The following MEGF6 variants were observed in gnomAD, a reference collection of about 807,000 sequenced individuals.
The protein encoded by MEGF6 is multiple epidermal growth factor-like domains protein 6.
Under a neutral mutation model 207.1 loss-of-function variants are expected in MEGF6, and 184 were observed. The observed-to-expected ratio is 0.89, with a 90% CI of 0.79 to 1.00. The LOEUF (loss-of-function observed/expected upper bound fraction) is 1.00. Among genes scored for constraint, MEGF6 ranks in the 50% least tolerant of loss-of-function variants. The pLI is 0.00. For synonymous variants in MEGF6, 1,038 were observed against 910.0 expected (o/e 1.14, Z -2.53); for missense variants, 2,282 against 2,202.9 (o/e 1.04, Z -0.72).
At chr1:3,621,876 T>C in the MEGF6 span, among the ~76,000 whole-genome samples, 1 of 152,246 alleles carries the variant, frequency 6.6e-6, no homozygotes, top group Non-Finnish European at 1.5e-5. Context: ...CACTAGATTT[T>C]GGACTTGCAT....
At position 3,489,730 on chromosome 1, in the gene MEGF6, G is replaced by A. The variant is rs1640275968; in HGVS notation, c.*798C>T. Among the ~76,000 whole-genome samples, 1 of 152,196 alleles carries A rather than the reference G, an allele frequency of 6.6e-6. No homozygotes were observed. Among genetic ancestry groups the A allele is most frequent in the Admixed American group, 6.5e-5 (1 of 15,290 alleles). On this transcript the variant is annotated 3_prime_UTR_variant, in exon 37 of 37. Coordinates refer to ENST00000356575, the MANE Select transcript of MEGF6 (RefSeq NM_001409.4). The stretch of plus-strand genomic sequence containing the variant: ...CTGGGTCTCAGCGGTAATGAATGCA[G>A]CCCCAGCGTTCTCCTCAATAGCACT...
chr1:3,560,878 C>T lies in MEGF6; in HGVS notation c.481+18947G>A, dbSNP rs374125892. 13 of 442,012 alleles carry T rather than the reference C, an allele frequency of 2.9e-5. No individual in the cohort carries two copies. Among genetic ancestry groups the T allele is most frequent in the East Asian group, 1.5e-4 (2 of 13,292 alleles). The allele number at this position is 442,012 out of a possible 1,614,324, so 27.4% of individuals were successfully genotyped here. A position where few individuals can be genotyped will look rare whatever the true frequency, so the allele number is the denominator to read the frequency against. On this transcript the variant is annotated intron_variant, in intron 4 of 36. Coordinates refer to ENST00000356575, the MANE Select transcript of MEGF6 (RefSeq NM_001409.4). The surrounding 1 kb of genome is among the most constrained non-coding windows in gnomAD (Gnocchi z 4.0). ...CTGGCTGGTCCCCCAGGTCTCTACG[C>T]GAAGGGGGTGCTGGGCTCTACCCCC...
chr1:3,592,285 G>T (rs1396292923), intron 3 of MEGF6, among the ~76,000 whole-genome samples: 1 of 152,198 alleles, frequency 6.6e-6, no homozygotes, highest in Non-Finnish European at 1.5e-5. Flanking sequence ...AGGCCTCGTG[G>T]TGTGGGGAGG....
At chr1:3,508,477 G>A in intron 13 of MEGF6, 81 bp downstream of exon 13, 1 of 1,519,704 alleles carries the variant, frequency 6.6e-7, no homozygotes, top group East Asian at 2.3e-5. Flanking sequence ...GAGTAAAACT[G>A]AATGGGCTCA....
At chr1:3,583,339 CG>C (rs1643847277) in intron 3 of MEGF6, among the ~76,000 whole-genome samples, 7 of 134,022 alleles carry the variant, frequency 5.2e-5, no homozygotes, top group Non-Finnish European at 7.8e-5. Context: ...CACCAGACAA[CG>C]CGCAGCCACC....
rs751615455 is a variant in MEGF6 at position 3,505,388 on chromosome 1, G to GCCC, written c.2053+31_2053+33dup. ...GTGGGTGGGGTTAACCGACCCTGGC[G>GCCC]CCCCCCGCCCCCAGACCCCATGCCT... On this transcript the variant is annotated intron_variant, in intron 16 of 36. Coordinates refer to ENST00000356575, the MANE Select transcript of MEGF6 (RefSeq NM_001409.4). The GCCC allele has an allele frequency of 9.3e-5, 147 of 1,574,342 alleles. 2 individuals are homozygous for GCCC. In the African/African-American group the frequency reaches 1.1e-3, roughly 11 times the overall value.
intron 5 of MEGF6, among the ~76,000 whole-genome samples, chr1:3,523,084 G>T (rs1641823238): frequency 1.3e-5 from 2 of 151,572 alleles, no homozygotes; most frequent in African/African-American, 4.9e-5. Context: ...CGGGGGGGGG[G>T]CCCCAGGGCT....
At chr1:3,606,848 T>C (rs894920566) in intron 1 of MEGF6, among the ~76,000 whole-genome samples, 5 of 152,164 alleles carry the variant, frequency 3.3e-5, no homozygotes, top group African/African-American at 1.2e-4. Context: ...CCCCTGACTC[T>C]GTGATGGCCC....
Position 3,595,392 on chromosome 1 carries a change from G to A in MEGF6, c.322C>T (p.Leu108Phe), listed in dbSNP as rs1352677551. The A allele has an allele frequency of 2.5e-6, 4 of 1,612,656 alleles. No homozygotes were observed. The highest frequency in any genetic ancestry group is 2.5e-6 in the Non-Finnish European group (3 of 1,179,958). Residue 108 changes from leucine (L) to phenylalanine (F), a missense_variant, in exon 3 of 37, where the codon CTC becomes TTC. Leu to Phe is a conservative substitution (Grantham distance 22). Transcript: ENST00000356575. ...TGCATCCACCCTCGGCAGCACCTGA[G>A]CACGGTCCGGGCCTCCGTGGTATAC... ...QVYTTEARTVLRCCRGWMQQP... is the reference protein window; with the variant it reads ...QVYTTEARTVFRCCRGWMQQP...
At position 3,508,544 on chromosome 1, in the gene MEGF6, C is replaced by T. The variant is rs754310546; in HGVS notation, c.1660+14G>A. 9 of 1,609,970 alleles carry T rather than the reference C, an allele frequency of 5.6e-6. No individual in the cohort carries two copies. The South Asian group carries it at 9.9e-5, about 18-fold the overall frequency. ...GCCCCTTCCCAGCCCCCAGCCCCTG[C>T]CCAGCTGCCTCACTCTCATTGCAGA... On this transcript the variant is annotated intron_variant, in intron 13 of 36. Transcript: ENST00000356575.
rs1037457426 is a variant in MEGF6 at position 3,496,708 on chromosome 1, G to A, written c.3689C>T (p.Ala1230Val). Residue 1230 changes from alanine to valine, a missense_variant, in exon 29 of 37, where the codon GCC (alanine) becomes GTC (valine). By Grantham distance (64) the Ala-to-Val change is moderately conservative (BLOSUM62 0). Coordinates refer to ENST00000356575, the MANE Select transcript of MEGF6 (RefSeq NM_001409.4). ...AGTGGGGCAGCGGCAGGCCCCCGTG[G>A]CCGCATCACAGGAGCCCCCGTTGAG... ...GCLNGGSCDAATGACRCPTGF... is the reference protein window; with the variant it reads ...GCLNGGSCDAVTGACRCPTGF... 2.0e-5 allele frequency: 31 copies of A among 1,559,294 alleles called. No homozygotes were observed. Among genetic ancestry groups the A allele is most frequent in the African/African-American group, 2.7e-5 (2 of 73,250 alleles).
At chr1:3,513,758 TA>T (rs1297771264) in intron 7 of MEGF6, among the ~76,000 whole-genome samples, 12 of 147,922 alleles carry the variant, frequency 8.1e-5, no homozygotes, top group South Asian at 2.1e-4. Context: ...CCTGGCTAAT[TA>T]AAAAAAAAAT....
At chr1:3,546,325 G>A (rs1325088239) in intron 4 of MEGF6, among the ~76,000 whole-genome samples, 4 of 152,332 alleles carry the variant, frequency 2.6e-5, no homozygotes, top group Non-Finnish European at 5.9e-5. Flanking sequence ...GCTCGCAAAC[G>A]CTTCTAGCCC....
At chr1:3,543,225 T>A (rs1461023102) in intron 4 of MEGF6, among the ~76,000 whole-genome samples, 1 of 152,082 alleles carries the variant, frequency 6.6e-6, no homozygotes. Context: ...CAGAGCTTGA[T>A]GGGGCCGAGT....
chr1:3,612,984 A>T (rs973348162), upstream of MEGF6, among the ~76,000 whole-genome samples: 1 of 152,212 alleles, frequency 6.6e-6, no homozygotes, highest in East Asian at 1.9e-4. Flanking sequence ...GGAACTGAAC[A>T]TAGGGGTCTG....
intron 4 of MEGF6, among the ~76,000 whole-genome samples, chr1:3,545,440 C>T (rs983299123): frequency 7.2e-5 from 11 of 152,170 alleles, no homozygotes; most frequent in Non-Finnish European, 1.0e-4. Flanking sequence ...ACAGGCTCCT[C>T]GGTGGGTCGG....
At chr1:3,618,754 C>T in the MEGF6 span, among the ~76,000 whole-genome samples, 6 of 152,320 alleles carry the variant, frequency 3.9e-5, no homozygotes, top group Admixed American at 6.5e-5. The surrounding 1 kb of genome is among the most constrained non-coding windows in gnomAD (Gnocchi z 4.7). Context: ...CCCTGGGACC[C>T]GCCAAGCCCC....
intron 1 of MEGF6, among the ~76,000 whole-genome samples, chr1:3,605,490 A>C (rs945705453): frequency 6.7e-6 from 1 of 150,190 alleles, no homozygotes; most frequent in Non-Finnish European, 1.5e-5. Flanking sequence ...ACACAATTAC[A>C]CACATACACA....
chr1:3,603,507 G>T (rs1442175457), intron 1 of MEGF6, among the ~76,000 whole-genome samples: 3 of 152,148 alleles, frequency 2.0e-5, no homozygotes, highest in Non-Finnish European at 4.4e-5. Context: ...GAGGAAAGAA[G>T]AGGCTTGTCC....
Sources: gnomAD v4.1 joint callset for allele counts (sites outside exome capture counted in the v4.1 genomes callset) on GRCh38, gnomAD v4.1.1 for gene constraint, Gnocchi (gnomAD v3.1) non-coding constraint, MANE v1.5 for transcripts, NCBI Gene and HGNC (gene_info 2026-07-23, HGNC 2026-07-21) for gene names.